Variants in JUN observed in about 807,000 individuals in gnomAD.
JUN encodes transcription factor Jun.
A neutral mutation model predicts 19.7 loss-of-function variants in JUN; 7 were observed. That is an observed-to-expected ratio of 0.36 (90% CI 0.20 to 0.67). The LOEUF is 0.67. JUN is among the 30% of genes least tolerant of loss of function. The probability of loss-of-function intolerance (pLI) is 0.64; values close to 1 mark genes in which losing one functional copy is unlikely to be tolerated. For synonymous variants in JUN, 246 were observed against 206.9 expected, an observed-to-expected ratio of 1.19 and a Z score of -1.62; for missense variants, 373 against 451.0, an observed-to-expected ratio of 0.83 and a Z score of 1.57.
At position 58,782,587 on chromosome 1, in the gene JUN, T is replaced by G; in HGVS notation, c.484A>C (p.Ser162Arg). The G allele has an allele frequency of 6.3e-7, 1 of 1,579,210 alleles. No homozygotes were observed. The highest frequency in any genetic ancestry group is 8.5e-7 in the Non-Finnish European group (1 of 1,171,002). Residue 162 changes from serine to arginine, a missense_variant, in exon 1 of 1, where the codon AGC becomes CGC. Around this residue, in one of 4 missense-constraint regions of JUN, gnomAD observed 173 missense variants for 154.5 expected, o/e 1.12. Coordinates refer to ENST00000371222, the MANE Select transcript of JUN (RefSeq NM_002228.4). The surrounding 1 kb of genome is among the most constrained non-coding windows in gnomAD (Gnocchi z 8.7). ...GGSGSGGFSA[S>R]LHSEPPVYAN... is the part of the protein sequence containing the mutation. Reference sequence around the variant, plus strand: ...TAGACCGGCGGCTCGCTGTGCAGGCTGGCGCTGAAGCCGCCGCTGCCGCTG... The same window carrying G: ...TAGACCGGCGGCTCGCTGTGCAGGCGGGCGCTGAAGCCGCCGCTGCCGCTG...
rs1645593764 is a variant in JUN at position 58,783,436 on chromosome 1, G to C, written c.-366C>G. 3.8e-6 allele frequency: 1 copy of C among 263,358 alleles called. No individual in the cohort carries two copies. Among genetic ancestry groups the C allele is most frequent in the Non-Finnish European group, 7.8e-6 (1 of 128,324 alleles). The allele number at this position is 263,358 out of a possible 1,614,324, so 16.3% of individuals were successfully genotyped here. A position where few individuals can be genotyped will look rare whatever the true frequency, so the allele number is the denominator to read the frequency against. On this transcript the variant is annotated 5_prime_UTR_variant, in exon 1 of 1. Transcript: ENST00000371222. ...CTCTCCCCGCGGAGCGGATCAGTGC[G>C]GACCCTGCAGTGGCCGGCCGGCGGC...
chr1:58,781,895 CCTTCCCA>C lies in JUN; in HGVS notation c.*173_*179del. On this transcript the variant is annotated 3_prime_UTR_variant, in exon 1 of 1. Transcript: ENST00000371222. Reference sequence around the variant, plus strand: ...CACGCCAAGGGAGGGCGCGCCAAGTCCTTCCCACTCGTGCACACTGGGGGCGCCGTCA... The same window carrying C: ...CACGCCAAGGGAGGGCGCGCCAAGTCCTCGTGCACACTGGGGGCGCCGTCA... 1.6e-6 allele frequency: 1 copy of C among 618,462 alleles called. No homozygotes were observed. The highest frequency in any genetic ancestry group is 2.8e-6 in the Non-Finnish European group (1 of 354,306). The allele number at this position is 618,462 out of a possible 1,614,324, so 38.3% of individuals were successfully genotyped here.
Position 58,782,783 on chromosome 1 carries a change from C to G in JUN, c.288G>C (p.Gln96His), listed in dbSNP as rs2100739755. 6.2e-7 allele frequency: 1 copy of G among 1,613,646 alleles called. No homozygotes were observed. The highest frequency in any genetic ancestry group is 1.1e-5 in the South Asian group (1 of 91,070). Residue 96 changes from glutamine to histidine, a missense_variant, in exon 1 of 1, where the codon CAG (glutamine) becomes CAC (histidine). By Grantham distance (24) the Gln-to-His change is conservative. This residue lies in a region of JUN where 113 missense variants were observed against 136.9 expected (regional missense o/e 0.83). Coordinates refer to ENST00000371222, the MANE Select transcript of JUN (RefSeq NM_002228.4). This position sits in a 1 kb window ranked among gnomAD's most constrained non-coding sequence, Gnocchi z 8.7. ...GHITTTPTPT[Q>H]FLCPKNVTDE... ...CTGTCACGTTCTTGGGGCACAGGAA[C>G]TGGGTGGGGGTCGGCGTGGTGGTGA... is the stretch of plus-strand genomic sequence containing the variant.
At position 58,783,534 on chromosome 1, in the gene JUN, G is replaced by A; in HGVS notation, c.-464C>T. 1 of 245,052 alleles carries A rather than the reference G, an allele frequency of 4.1e-6. No homozygotes were observed. Among genetic ancestry groups the A allele is most frequent in the Non-Finnish European group, 8.4e-6 (1 of 119,632 alleles). The allele number at this position is 245,052 out of a possible 1,614,324, so 15.2% of individuals were successfully genotyped here. Reference sequence around the variant, plus strand: ...TAGGGGGAGGGGGCGCCCGGCAGCCGCGGCTCGCGCTCGCCCAAGTTCAAC... The same window carrying A: ...TAGGGGGAGGGGGCGCCCGGCAGCCACGGCTCGCGCTCGCCCAAGTTCAAC... On this transcript the variant is annotated 5_prime_UTR_variant, in exon 1 of 1. Coordinates refer to ENST00000371222, the MANE Select transcript of JUN (RefSeq NM_002228.4).
In JUN at chr1:58,782,589, G is replaced by GCGCTGAAGCCGCCGCTGC; in HGVS notation, c.464_481dup (p.Gly155_Ser160dup). The GCGCTGAAGCCGCCGCTGC allele has an allele frequency of 6.3e-7, 1 of 1,579,610 alleles. No individual in the cohort carries two copies. Among genetic ancestry groups the GCGCTGAAGCCGCCGCTGC allele is most frequent in the Non-Finnish European group, 8.5e-7 (1 of 1,171,122 alleles). On this transcript the variant is annotated inframe_insertion, in exon 1 of 1. Coordinates refer to ENST00000371222, the MANE Select transcript of JUN (RefSeq NM_002228.4). The surrounding 1 kb of genome is among the most constrained non-coding windows in gnomAD (Gnocchi z 8.7). ...GACCGGCGGCTCGCTGTGCAGGCTG[G>GCGCTGAAGCCGCCGCTGC]CGCTGAAGCCGCCGCTGCCGCTGCC...
Position 58,781,951 on chromosome 1 carries a change from A to G in JUN, c.*124T>C. ...CAGGACGCAACCCAGTCCAACTTGG[A>G]TACCCTTGGCTTTAGTTCTCGGACA... is the stretch of plus-strand genomic sequence containing the variant. On this transcript the variant is annotated 3_prime_UTR_variant, in exon 1 of 1. Coordinates refer to ENST00000371222, the MANE Select transcript of JUN (RefSeq NM_002228.4). The G allele has an allele frequency of 1.2e-6, 1 of 848,024 alleles. No individual in the cohort carries two copies. The highest frequency in any genetic ancestry group is 1.9e-6 in the Non-Finnish European group (1 of 538,318). 52.5% of individuals were successfully genotyped at this position (848,024 alleles called of 1,614,324 possible).
At position 58,781,973 on chromosome 1, in the gene JUN, G is replaced by A. The variant is rs1424713658; in HGVS notation, c.*102C>T. 4 of 1,057,852 alleles carry A rather than the reference G, an allele frequency of 3.8e-6. No homozygotes were observed. The highest frequency in any genetic ancestry group is 5.6e-6 in the Non-Finnish European group (4 of 713,676). 65.5% of individuals were successfully genotyped at this position (1,057,852 alleles called of 1,614,324 possible). On this transcript the variant is annotated 3_prime_UTR_variant, in exon 1 of 1. Transcript: ENST00000371222. ...TGGATACCCTTGGCTTTAGTTCTCG[G>A]ACACTTCTTTTTTCTCTCCGTCGCA...
In JUN at chr1:58,783,948, C is replaced by G. The variant is rs1645599695; in HGVS notation, c.-878G>C. On this transcript the variant is annotated 5_prime_UTR_variant, in exon 1 of 1. Transcript: ENST00000371222. ...AATAAGATTTGCAGTTCGGACTATA[C>G]TGCCGACCTGGCTGGCTGGCTGTGT... The G allele has an allele frequency of 8.0e-6, 2 of 248,854 alleles. No homozygotes were observed. The highest frequency in any genetic ancestry group is 1.7e-5 in the Non-Finnish European group (2 of 118,740). The allele number at this position is 248,854 out of a possible 1,614,324, so 15.4% of individuals were successfully genotyped here. A position where few individuals can be genotyped will look rare whatever the true frequency, so the allele number is the denominator to read the frequency against.
rs757192206 is a variant in JUN, at chr1:58,782,941, C to G, written c.130G>C (p.Asp44His). Reference protein sequence around the residue: ...LKQSMTLNLADPVGSLKPHLR... With the variant: ...LKQSMTLNLAHPVGSLKPHLR... ...TGCGGCTTCAGGCTCCCCACTGGGT[C>G]GGCCAGGTTCAGGGTCATGCTCTGT... The change falls in exon 1 of 1, where the codon GAC becomes CAC. Residue 44 changes from aspartate (D) to histidine (H), a missense_variant. Asp to His is a moderately conservative substitution (Grantham distance 81). Transcript: ENST00000371222. The surrounding 1 kb of genome is among the most constrained non-coding windows in gnomAD (Gnocchi z 8.7). 1 of 1,614,184 alleles carries G rather than the reference C, an allele frequency of 6.2e-7. No individual in the cohort carries two copies. The highest frequency in any genetic ancestry group is 1.7e-5 in the Admixed American group (1 of 60,030).
rs985299648 is a variant in JUN at position 58,783,972 on chromosome 1, G to A, written c.-902C>T. ...ACTGCCGACCTGGCTGGCTGGCTGT[G>A]TCTGTCTGTCTGCCTGACTCCGCGC... On this transcript the variant is annotated 5_prime_UTR_variant, in exon 1 of 1. Coordinates refer to ENST00000371222, the MANE Select transcript of JUN (RefSeq NM_002228.4). The A allele has an allele frequency of 4.8e-5, 12 of 249,160 alleles. No homozygotes were observed. Among genetic ancestry groups the A allele is most frequent in the Non-Finnish European group, 9.2e-5 (11 of 119,050 alleles). The allele number at this position is 249,160 out of a possible 1,614,324, so 15.4% of individuals were successfully genotyped here. A position where few individuals can be genotyped will look rare whatever the true frequency, so the allele number is the denominator to read the frequency against.
chr1:58,782,907 G>A lies in JUN; in HGVS notation c.164C>T (p.Ala55Val). ...PVGSLKPHLR[A>V]KNSDLLTSPD... ...CGAGGTGAGGAGGTCCGAGTTCTTG[G>A]CGCGGAGGTGCGGCTTCAGGCTCCC... is the stretch of plus-strand genomic sequence containing the variant. The change falls in exon 1 of 1, where the codon GCC becomes GTC. Residue 55 changes from alanine (A) to valine (V), a missense_variant. Coordinates refer to ENST00000371222, the MANE Select transcript of JUN (RefSeq NM_002228.4). The surrounding 1 kb of genome is among the most constrained non-coding windows in gnomAD (Gnocchi z 8.7). The A allele has an allele frequency of 6.2e-7, 1 of 1,614,222 alleles. No individual in the cohort carries two copies. The highest frequency in any genetic ancestry group is 1.1e-5 in the South Asian group (1 of 91,086).
At position 58,783,193 on chromosome 1, in the gene JUN, C is replaced by G; in HGVS notation, c.-123G>C. 2.7e-6 allele frequency: 4 copies of G among 1,458,104 alleles called. No homozygotes were observed. The highest frequency in any genetic ancestry group is 3.7e-6 in the Non-Finnish European group (4 of 1,086,228). 90.3% of individuals were successfully genotyped at this position (1,458,104 alleles called of 1,614,324 possible). On this transcript the variant is annotated 5_prime_UTR_variant, in exon 1 of 1. Coordinates refer to ENST00000371222, the MANE Select transcript of JUN (RefSeq NM_002228.4). Reference sequence around the variant, plus strand: ...CCGGAGCCTTTGACAGGGAAAGTTTCTCTAAGAGCGCACGCACCCGCTGGC... The same window carrying G: ...CCGGAGCCTTTGACAGGGAAAGTTTGTCTAAGAGCGCACGCACCCGCTGGC...
At position 58,781,939 on chromosome 1, in the gene JUN, A is replaced by AG; in HGVS notation, c.*135dup. ...TGGGGGCGCCGTCAGGACGCAACCC[A>AG]GTCCAACTTGGATACCCTTGGCTTT... is the stretch of plus-strand genomic sequence containing the variant. On this transcript the variant is annotated 3_prime_UTR_variant, in exon 1 of 1. Transcript: ENST00000371222. 1 of 766,138 alleles carries AG rather than the reference A, an allele frequency of 1.3e-6. No homozygotes were observed. Among genetic ancestry groups the AG allele is most frequent in the Non-Finnish European group, 2.1e-6 (1 of 470,872 alleles). 47.5% of individuals were successfully genotyped at this position (766,138 alleles called of 1,614,324 possible). A position where few individuals can be genotyped will look rare whatever the true frequency, so the allele number is the denominator to read the frequency against.
chr1:58,783,174 C>T lies in JUN; in HGVS notation c.-104G>A, dbSNP rs1645591243. On this transcript the variant is annotated 5_prime_UTR_variant, in exon 1 of 1. Coordinates refer to ENST00000371222, the MANE Select transcript of JUN (RefSeq NM_002228.4). ...CGGGGGACACCCGCGCCCCCCGGAG[C>T]CTTTGACAGGGAAAGTTTCTCTAAG... 2.0e-6 allele frequency: 3 copies of T among 1,506,804 alleles called. No individual in the cohort carries two copies. In the African/African-American group the frequency reaches 4.2e-5, roughly 21 times the overall value. 93.3% of individuals were successfully genotyped at this position (1,506,804 alleles called of 1,614,324 possible).
In JUN at chr1:58,782,333, G is replaced by A. The variant is rs1428987247; in HGVS notation, c.738C>T (p.Asp246=). Reference sequence around the variant, plus strand: ...CCTTGATCCGCTCCTGGGACTCCATGTCGATGGGGGACAGGGGCGGTGTCT... The same window carrying A: ...CCTTGATCCGCTCCTGGGACTCCATATCGATGGGGGACAGGGGCGGTGTCT... ...PGETPPLSPI[D]MESQERIKAE... is the part of the protein sequence containing the mutation. The change falls in exon 1 of 1, where the codon GAC becomes GAT. Residue 246 remains aspartate (D), a synonymous_variant. Transcript: ENST00000371222. This position sits in a 1 kb window ranked among gnomAD's most constrained non-coding sequence, Gnocchi z 8.7. 6.2e-7 allele frequency: 1 copy of A among 1,614,236 alleles called. No individual in the cohort carries two copies. Among genetic ancestry groups the A allele is most frequent in the Non-Finnish European group, 8.5e-7 (1 of 1,180,038 alleles).
rs1645571095 is a variant in JUN at position 58,781,129 on chromosome 1, G to C, written c.*946C>G. The C allele has an allele frequency of 4.3e-6, 1 of 232,974 alleles. No individual in the cohort carries two copies. The highest frequency in any genetic ancestry group is 2.2e-5 in the African/African-American group (1 of 45,256). The allele number at this position is 232,974 out of a possible 1,614,324, so 14.4% of individuals were successfully genotyped here. A position where few individuals can be genotyped will look rare whatever the true frequency, so the allele number is the denominator to read the frequency against. ...AAGCAATTCCATATAGATAGCTGGG[G>C]GAGGAGGAGTATAACCTGACCATAG... On this transcript the variant is annotated 3_prime_UTR_variant, in exon 1 of 1. Coordinates refer to ENST00000371222, the MANE Select transcript of JUN (RefSeq NM_002228.4).
chr1:58,783,486 C>A lies in JUN; in HGVS notation c.-416G>T, dbSNP rs2100740863. ...CGGGTCTTGGCCGCCCGGACTCCGA[C>A]GACTTGTCCCCTCCTCCGCTGCTAG... On this transcript the variant is annotated 5_prime_UTR_variant, in exon 1 of 1. Coordinates refer to ENST00000371222, the MANE Select transcript of JUN (RefSeq NM_002228.4). 1 of 251,816 alleles carries A rather than the reference C, an allele frequency of 4.0e-6. No individual in the cohort carries two copies. The highest frequency in any genetic ancestry group is 8.3e-6 in the Non-Finnish European group (1 of 121,020). The allele number at this position is 251,816 out of a possible 1,614,324, so 15.6% of individuals were successfully genotyped here. A position where few individuals can be genotyped will look rare whatever the true frequency, so the allele number is the denominator to read the frequency against.
In JUN at chr1:58,782,363, G is replaced by A. The variant is rs373150139; in HGVS notation, c.708C>T (p.Pro236=). The change falls in exon 1 of 1, where the codon CCC becomes CCT. Residue 236 remains proline (P), a synonymous_variant. Transcript: ENST00000371222. The surrounding 1 kb of genome is among the most constrained non-coding windows in gnomAD (Gnocchi z 8.7). ...KEEPQTVPEM[P]GETPPLSPID... ...TGGGGGACAGGGGCGGTGTCTCGCC[G>A]GGCATCTCGGGCACTGTCTGAGGCT... is the stretch of plus-strand genomic sequence containing the variant. 6.2e-7 allele frequency: 1 copy of A among 1,613,812 alleles called. No homozygotes were observed. Among genetic ancestry groups the A allele is most frequent in the Non-Finnish European group, 8.5e-7 (1 of 1,179,852 alleles).
Position 58,782,180 on chromosome 1 carries a change from C to G in JUN, c.891G>C (p.Thr297=), listed in dbSNP as rs1273498692. The G allele has an allele frequency of 6.2e-7, 1 of 1,614,242 alleles. No homozygotes were observed. Among genetic ancestry groups the G allele is most frequent in the Non-Finnish European group, 8.5e-7 (1 of 1,180,046 alleles). Residue 297 remains threonine, a synonymous_variant, in exon 1 of 1, where the codon ACG becomes ACC. Transcript: ENST00000371222. This position sits in a 1 kb window ranked among gnomAD's most constrained non-coding sequence, Gnocchi z 8.7. ...CCACCTGTTCCCTGAGCATGTTGGC[C>G]GTGGACGCCAGCTCCGAGTTCTGAG... ...LKAQNSELAS[T]ANMLREQVAQ...
Sources: gnomAD v4.1 joint callset for allele counts on GRCh38, gnomAD v4.1.1 for gene constraint, gnomAD v4.1.1 regional missense constraint, Gnocchi (gnomAD v3.1) non-coding constraint, MANE v1.5 for transcripts, NCBI Gene and HGNC (gene_info 2026-07-23, HGNC 2026-07-21) for gene names.